The following EYS variants were observed in gnomAD, a reference collection of about 807,000 sequenced individuals.
EYS encodes the protein EGF-like photoreceptor maintenance factor.
A neutral mutation model predicts 282.1 loss-of-function variants in EYS; 250 were observed. That is an observed-to-expected ratio of 0.89 (90% CI 0.80 to 0.98). The LOEUF is 0.98. Among genes scored for constraint, EYS ranks in the 50% least tolerant of loss-of-function variants. EYS has a pLI of 0.00. For missense variants in EYS, 4,016 were observed against 3,709.0 expected (o/e 1.08, Z -2.15); for synonymous variants, 1,355 against 1,282.9 (o/e 1.06, Z -1.20).
intron 22 of EYS, among the ~76,000 whole-genome samples, chr6:64,663,829 A>G (rs944313405): frequency 6.6e-6 from 1 of 152,136 alleles, no homozygotes; most frequent in African/African-American, 2.4e-5. Flanking sequence ...ATTCCAAGGA[A>G]TAGAACCTTG....
At chr6:65,644,931 A>G (rs1002563713) in intron 1 of EYS, among the ~76,000 whole-genome samples, 15 of 152,148 alleles carry the variant, frequency 9.9e-5, no homozygotes, top group African/African-American at 3.6e-4. Flanking sequence ...AGACTTCAAA[A>G]TAAACCAAAA....
At chr6:64,478,286 T>A (rs1334648001) in intron 26 of EYS, among the ~76,000 whole-genome samples, 1 of 151,988 alleles carries the variant, frequency 6.6e-6, no homozygotes, top group African/African-American at 2.4e-5. Context: ...CCCATTTGAA[T>A]GTAAAATTTT....
intron 15 of EYS, among the ~76,000 whole-genome samples, chr6:64,944,440 G>A (rs1256154102): frequency 1.3e-5 from 2 of 152,050 alleles, no homozygotes; most frequent in Non-Finnish European, 2.9e-5. Context: ...CTGACAGAAT[G>A]GGAAAAATAA....
At chr6:64,744,994 A>G (rs1772505515) in intron 22 of EYS, among the ~76,000 whole-genome samples, 1 of 152,140 alleles carries the variant, frequency 6.6e-6, no homozygotes. Context: ...TTACTTCTCT[A>G]AAACTCTCAT....
At chr6:64,641,917 A>G (rs1768170297) in intron 22 of EYS, among the ~76,000 whole-genome samples, 2 of 152,166 alleles carry the variant, frequency 1.3e-5, no homozygotes, top group Admixed American at 1.3e-4. Context: ...ATCCCCACAC[A>G]ACTACTCCTT....
At chr6:64,881,188 G>C (rs893446227) in intron 19 of EYS, among the ~76,000 whole-genome samples, 4 of 151,672 alleles carry the variant, frequency 2.6e-5, no homozygotes, top group African/African-American at 9.7e-5. Context: ...TATGTGAGCT[G>C]GGTTTTTGTA....
At position 64,881,320 on chromosome 6, in the gene EYS, G is replaced by A. The variant is rs1248184719; in HGVS notation, c.2992+5377C>T. Among the ~76,000 whole-genome samples the A allele has an allele frequency of 2.0e-4, 30 of 151,934 alleles. 1 individual carries two copies. Among genetic ancestry groups the A allele is most frequent in the Admixed American group, 1.6e-3 (25 of 15,228 alleles). On this transcript the variant is annotated intron_variant, in intron 19 of 42. Coordinates refer to ENST00000503581, the MANE Select transcript of EYS (RefSeq NM_001142800.2). ...CAAGTTATTGATTGTAGTGGCAGGA[G>A]ACTAAGTGCCGAATGATGTTGTATA...
intron 41 of EYS, among the ~76,000 whole-genome samples, chr6:63,737,630 T>C (rs1204854943): frequency 2.6e-5 from 4 of 152,204 alleles, no homozygotes; most frequent in Admixed American, 1.3e-4. Context: ...ATTCCCTCTT[T>C]TTCTATTGAT....
At chr6:64,160,752 T>A (rs1775079584) in intron 31 of EYS, among the ~76,000 whole-genome samples, 1 of 152,226 alleles carries the variant, frequency 6.6e-6, no homozygotes, top group Admixed American at 6.5e-5. Flanking sequence ...AATACATTTT[T>A]AAAAGGAGGT....
At chr6:64,103,604 G>A (rs1189228143) in intron 31 of EYS, among the ~76,000 whole-genome samples, 1 of 152,138 alleles carries the variant, frequency 6.6e-6, no homozygotes, top group Non-Finnish European at 1.5e-5. Context: ...AGAAAGAGAG[G>A]TAGGAGGAGG....
intron 22 of EYS, among the ~76,000 whole-genome samples, chr6:64,649,599 A>C (rs1347050485): frequency 6.6e-6 from 1 of 152,102 alleles, no homozygotes; most frequent in Admixed American, 6.6e-5. Flanking sequence ...CAGCCTCCCA[A>C]AGTGCTAGGA....
At chr6:64,663,305 G>T (rs1306527752) in intron 22 of EYS, among the ~76,000 whole-genome samples, 4 of 152,128 alleles carry the variant, frequency 2.6e-5, no homozygotes, top group Non-Finnish European at 2.9e-5. Context: ...TAAGTCTCAA[G>T]AAAGTCTGAG....
chr6:64,505,770 T>C (rs1211721285), intron 26 of EYS, among the ~76,000 whole-genome samples: 2 of 152,230 alleles, frequency 1.3e-5, no homozygotes, highest in Non-Finnish European at 2.9e-5. Context: ...AGGTAATCTA[T>C]GGACAATTCA....
chr6:65,647,836 AAAAC>A (rs1767506071), intron 1 of EYS, among the ~76,000 whole-genome samples: 1 of 152,034 alleles, frequency 6.6e-6, no homozygotes, highest in South Asian at 2.1e-4. Context: ...AACAAACAAA[AAAAC>A]AAACAAAATC....
At chr6:65,069,122 C>T (rs1033968366) in intron 12 of EYS, among the ~76,000 whole-genome samples, 4 of 151,998 alleles carry the variant, frequency 2.6e-5, no homozygotes, top group Non-Finnish European at 4.4e-5. Context: ...TACTCCTACA[C>T]ATGTGGTTGT....
chr6:64,461,852 C>T (rs566042240), intron 26 of EYS, among the ~76,000 whole-genome samples: 2 of 152,088 alleles, frequency 1.3e-5, no homozygotes, highest in East Asian at 3.9e-4. Context: ...AGTTTGTTTT[C>T]AGGACGCATA....
intron 35 of EYS, among the ~76,000 whole-genome samples, chr6:63,939,333 A>G (rs1312267994): frequency 2.6e-5 from 4 of 152,170 alleles, no homozygotes; most frequent in African/African-American, 7.2e-5. Flanking sequence ...GTCCCCACCC[A>G]TCCCCAATAA....
intron 12 of EYS, among the ~76,000 whole-genome samples, chr6:65,175,594 A>G (rs1765205713): frequency 6.6e-6 from 1 of 151,474 alleles, no homozygotes; most frequent in African/African-American, 2.4e-5. Context: ...TTATTCATAA[A>G]GCATTTCTCA....
At chr6:64,260,281 A>G (rs534654186) in intron 30 of EYS, among the ~76,000 whole-genome samples, 1 of 152,224 alleles carries the variant, frequency 6.6e-6, no homozygotes, top group African/African-American at 2.4e-5. Flanking sequence ...TGAGGCTGCC[A>G]TACTAGTCAG....
Sources: gnomAD v4.1 joint callset for allele counts (sites outside exome capture counted in the v4.1 genomes callset) on GRCh38, gnomAD v4.1.1 for gene constraint, MANE v1.5 for transcripts, NCBI Gene and HGNC (gene_info 2026-07-23, HGNC 2026-07-21) for gene names.